The following UTRN variants were observed in gnomAD, a reference collection of about 807,000 sequenced individuals.
UTRN encodes dystrophin-related protein 1.
Under a neutral mutation model 463.9 loss-of-function variants are expected in UTRN, and 283 were observed. The ratio of observed to expected loss-of-function variants is 0.61; its 90% CI spans 0.55 to 0.67. The LOEUF is 0.67. UTRN is among the 30% of genes least tolerant of loss of function. The probability of loss-of-function intolerance (pLI) is 0.00; values close to 1 mark genes in which losing one functional copy is unlikely to be tolerated. For synonymous variants in UTRN, 1,442 were observed against 1,431.5 expected (o/e 1.01, Z -0.17); for missense variants, 3,922 against 4,084.3 (o/e 0.96, Z 1.08).
Position 144,820,440 on chromosome 6 carries a change from C to T in UTRN, c.9358-442C>T, listed in dbSNP as rs117338984. Among the ~76,000 whole-genome samples the T allele has an allele frequency of 1.1e-3, 165 of 151,718 alleles. No homozygotes were observed. The East Asian group carries it at 0.013, about 12-fold the overall frequency. On this transcript the variant is annotated intron_variant, in intron 65 of 74. Coordinates refer to ENST00000367545, the MANE Select transcript of UTRN (RefSeq NM_007124.3). ...ATGCTGGCTTGTGTGTAGCCAGCAT[C>T]GGCTCTATGACTAATTTCCATTAAC...
chr6:144,840,911 C>G, intron 73 of UTRN, 79 bp downstream of exon 73: 4 of 1,475,572 alleles, frequency 2.7e-6, no homozygotes, highest in Non-Finnish European at 3.7e-6. Context: ...CCTTCGCCTT[C>G]TTCCTTAAGA....
chr6:144,759,630 T>G (rs1792420095), intron 58 of UTRN, among the ~76,000 whole-genome samples: 1 of 152,166 alleles, frequency 6.6e-6, no homozygotes, highest in African/African-American at 2.4e-5. Context: ...TGGATTATCC[T>G]GATGGGCTTA....
chr6:144,799,380 T>C (rs1449095758), intron 64 of UTRN: 4 of 462,614 alleles, frequency 8.6e-6, no homozygotes, highest in Non-Finnish European at 1.8e-5. Context: ...AGGTAGGTAG[T>C]GTGAAGTAGA....
At chr6:144,721,224 T>A (rs953699107) in intron 53 of UTRN, among the ~76,000 whole-genome samples, 2 of 152,150 alleles carry the variant, frequency 1.3e-5, no homozygotes, top group Non-Finnish European at 2.9e-5. Context: ...CTGTTGTTGT[T>A]GTTTTGAGAC....
chr6:144,499,893 A>G (rs1794019952), intron 34 of UTRN, among the ~76,000 whole-genome samples: 1 of 152,126 alleles, frequency 6.6e-6, no homozygotes, highest in Non-Finnish European at 1.5e-5. Context: ...GCATTAATTC[A>G]CTTAGGATAA....
intron 2 of UTRN, among the ~76,000 whole-genome samples, chr6:144,340,104 T>C (rs572362093): frequency 6.6e-6 from 1 of 152,090 alleles, no homozygotes; most frequent in Non-Finnish European, 1.5e-5. Context: ...GAGGCGGAGG[T>C]TGCAGTGAGC....
chr6:144,796,690 A>T (rs912132756), intron 63 of UTRN, among the ~76,000 whole-genome samples: 1 of 152,210 alleles, frequency 6.6e-6, no homozygotes, highest in African/African-American at 2.4e-5. Context: ...GATGTTATAC[A>T]TATGCATAAA....
intron 3 of UTRN, among the ~76,000 whole-genome samples, chr6:144,415,377 T>A (rs1370055966): frequency 3.9e-5 from 6 of 152,224 alleles, no homozygotes; most frequent in Non-Finnish European, 1.5e-5. Flanking sequence ...GGCACTGATC[T>A]ATCTCTCTAC....
chr6:144,702,544 CCT>C (rs1784699628), intron 53 of UTRN, among the ~76,000 whole-genome samples: 2 of 152,164 alleles, frequency 1.3e-5, no homozygotes, highest in South Asian at 4.1e-4. Context: ...ATATATATGT[CCT>C]ACGGTAATAA....
intron 63 of UTRN, among the ~76,000 whole-genome samples, chr6:144,797,322 G>A (rs1031077118): frequency 1.3e-5 from 2 of 151,956 alleles, no homozygotes; most frequent in African/African-American, 4.8e-5. Context: ...CCGAGTAGCT[G>A]GGACTACAGG....
At chr6:144,772,314 T>G (rs969045302) in intron 59 of UTRN, among the ~76,000 whole-genome samples, 3 of 152,114 alleles carry the variant, frequency 2.0e-5, no homozygotes. Context: ...CGTGAGCCAC[T>G]GTGCCCGGCC....
At chr6:144,316,491 A>G (rs909689170) in intron 2 of UTRN, among the ~76,000 whole-genome samples, 3 of 152,216 alleles carry the variant, frequency 2.0e-5, no homozygotes, top group Non-Finnish European at 4.4e-5. Flanking sequence ...TTTTACTTCC[A>G]ATAATGTATG....
chr6:144,610,353 C>T (rs1413305283), intron 51 of UTRN, among the ~76,000 whole-genome samples: 1 of 152,002 alleles, frequency 6.6e-6, no homozygotes, highest in Non-Finnish European at 1.5e-5. Context: ...CACACACAAC[C>T]TATCAAGATT....
intron 52 of UTRN, among the ~76,000 whole-genome samples, chr6:144,693,360 G>T (rs1236434762): frequency 6.6e-6 from 1 of 152,094 alleles, no homozygotes; most frequent in Non-Finnish European, 1.5e-5. Context: ...GCTTAGGATT[G>T]CCTTGGCTAT....
chr6:144,814,229 G>C (rs938006295), intron 65 of UTRN, among the ~76,000 whole-genome samples: 2 of 152,138 alleles, frequency 1.3e-5, no homozygotes, highest in African/African-American at 4.8e-5. Flanking sequence ...ACCCCAGAGA[G>C]CTCTCTCTTC....
chr6:144,650,485 G>C (rs1470703736), intron 51 of UTRN, among the ~76,000 whole-genome samples: 2 of 152,198 alleles, frequency 1.3e-5, no homozygotes, highest in African/African-American at 4.8e-5. Context: ...AACGACTTTT[G>C]GTTGTCTACT....
chr6:144,316,423 G>T (rs1775291534), intron 2 of UTRN, among the ~76,000 whole-genome samples: 1 of 152,208 alleles, frequency 6.6e-6, no homozygotes, highest in Admixed American at 6.5e-5. Context: ...CTGTTGCTTT[G>T]TTTGCAGTCT....
chr6:144,804,579 G>A (rs1389561461), intron 65 of UTRN, among the ~76,000 whole-genome samples: 1 of 152,092 alleles, frequency 6.6e-6, no homozygotes, highest in Non-Finnish European at 1.5e-5. Context: ...AACAAAAGAG[G>A]GACTTGAGCA....
intron 2 of UTRN, among the ~76,000 whole-genome samples, chr6:144,385,706 A>ATTTTTTTTTT (rs60221098): frequency 1.4e-5 from 2 of 142,552 alleles, no homozygotes; most frequent in Non-Finnish European, 3.1e-5. Flanking sequence ...CCAGAACTCT[A>ATTTTTTTTTT]TTTTTTTTTT....
Sources: gnomAD v4.1 joint callset for allele counts (sites outside exome capture counted in the v4.1 genomes callset) on GRCh38, gnomAD v4.1.1 for gene constraint, MANE v1.5 for transcripts, NCBI Gene and HGNC (gene_info 2026-07-23, HGNC 2026-07-21) for gene names.